Variants in FRMD6 observed in about 807,000 individuals in gnomAD.
FRMD6 encodes FERM domain-containing protein 6.
Under a neutral mutation model 73.2 loss-of-function variants are expected in FRMD6, and 37 were observed. That is an observed-to-expected ratio of 0.51 (90% CI 0.39 to 0.66). The LOEUF is 0.66. Ranked by LOEUF, FRMD6 falls within the 30% of genes least tolerant of loss-of-function variation. FRMD6 has a pLI of 0.00. For synonymous variants in FRMD6, 273 were observed against 282.2 expected, an observed-to-expected ratio of 0.97 and a Z score of 0.33; for missense variants, 714 against 780.5, an observed-to-expected ratio of 0.91 and a Z score of 1.02.
At chr14:51,693,142 CA>C (rs1462008910) in intron 2 of FRMD6, among the ~76,000 whole-genome samples, 1 of 152,170 alleles carries the variant, frequency 6.6e-6, no homozygotes, top group Non-Finnish European at 1.5e-5. Context: ...ATTCAAATCT[CA>C]TATCTGAATG....
chr14:51,449,028 G>A, the FRMD6 span, among the ~76,000 whole-genome samples: 1 of 152,162 alleles, frequency 6.6e-6, no homozygotes, highest in African/African-American at 2.4e-5. Flanking sequence ...AGAAAAACCT[G>A]ATGCTGCTTG....
chr14:51,413,408 C>T, the FRMD6 span, among the ~76,000 whole-genome samples: 3 of 152,084 alleles, frequency 2.0e-5, no homozygotes, highest in African/African-American at 7.2e-5. Context: ...GAACATGCAG[C>T]GTTTGGTTTT....
intron 2 of FRMD6, among the ~76,000 whole-genome samples, chr14:51,695,333 G>A (rs952500020): frequency 6.6e-6 from 1 of 152,120 alleles, no homozygotes; most frequent in Non-Finnish European, 1.5e-5. Context: ...GTAGAATTAC[G>A]ATGATAATGG....
At chr14:51,476,896 A>G in the FRMD6 span, among the ~76,000 whole-genome samples, 3 of 152,236 alleles carry the variant, frequency 2.0e-5, no homozygotes, top group East Asian at 1.9e-4. Context: ...TAAAACTTCT[A>G]CTGAAGAGAG....
the FRMD6 span, chr14:51,436,165 C>T: frequency 3.7e-6 from 1 of 271,326 alleles, no homozygotes. Flanking sequence ...GAGCAAGAAG[C>T]AATTGAACAC....
chr14:51,636,105 GC>G, intron 2 of FRMD6, among the ~76,000 whole-genome samples: 1 of 152,312 alleles, frequency 6.6e-6, no homozygotes, highest in South Asian at 2.1e-4. Flanking sequence ...AGCAGAAGTT[GC>G]GTCTGTGTCT....
chr14:51,702,695 T>C (rs1896399269), intron 5 of FRMD6, 107 bp downstream of exon 5: 1 of 898,370 alleles, frequency 1.1e-6, no homozygotes, highest in Middle Eastern at 2.3e-4. Context: ...ACCTTTAGGA[T>C]ATAAACTCTG....
At chr14:51,424,478 A>G in the FRMD6 span, among the ~76,000 whole-genome samples, 1,097 of 152,364 alleles carry the variant, frequency 7.2e-3, 12 homozygotes, top group Non-Finnish European at 0.011. Flanking sequence ...TACAGAGACT[A>G]CAGAAATTAA....
the FRMD6 span, among the ~76,000 whole-genome samples, chr14:51,468,276 C>T: frequency 1.3e-4 from 13 of 96,484 alleles, no homozygotes; most frequent in Admixed American, 5.0e-4. Context: ...CAGAGGGAGA[C>T]GGTGCAAAGG....
At chr14:51,690,408 CAG>C (rs1264082790) in intron 2 of FRMD6, among the ~76,000 whole-genome samples, 1 of 152,044 alleles carries the variant, frequency 6.6e-6, no homozygotes, top group Non-Finnish European at 1.5e-5. Context: ...CTTTTTGAGA[CAG>C]AGTCTCACTC....
At chr14:51,674,288 G>C (rs1250291186) in intron 1 of FRMD6, among the ~76,000 whole-genome samples, 1 of 152,126 alleles carries the variant, frequency 6.6e-6, no homozygotes, top group Non-Finnish European at 1.5e-5. Context: ...CACTCCTCTC[G>C]ATGAGTGCTT....
At chr14:51,422,337 T>C in the FRMD6 span, among the ~76,000 whole-genome samples, 1 of 152,304 alleles carries the variant, frequency 6.6e-6, no homozygotes, top group East Asian at 1.9e-4. Flanking sequence ...GAATGGCAAA[T>C]GGTATTTAGG....
intron 1 of FRMD6, among the ~76,000 whole-genome samples, chr14:51,675,089 A>G (rs1043858836): frequency 6.6e-5 from 10 of 152,180 alleles, no homozygotes; most frequent in Non-Finnish European, 1.0e-4. Flanking sequence ...CTAGATAGGT[A>G]AGTACCACTG....
chr14:51,507,918 G>A (rs2140241566), intron 1 of FRMD6, among the ~76,000 whole-genome samples: 1 of 152,258 alleles, frequency 6.6e-6, no homozygotes, highest in East Asian at 1.9e-4. Context: ...TTTTCTTGGT[G>A]CTGGAGAACA....
In FRMD6 at chr14:51,716,596, T is replaced by C. The variant is rs574960825; in HGVS notation, c.1024+1097T>C. ...ATAGATTTCTCTCAAAAATTCTCTG[T>C]CAATCCAAATGAGACCCGGTTTGGC... On this transcript the variant is annotated intron_variant, in intron 10 of 13. Transcript: ENST00000344768. Among the ~76,000 whole-genome samples the C allele has an allele frequency of 1.6e-4, 25 of 152,344 alleles. No individual in the cohort carries two copies. In the South Asian group the frequency reaches 4.6e-3, roughly 28 times the overall value.
chr14:51,672,458 T>A (rs1878084665), intron 1 of FRMD6, among the ~76,000 whole-genome samples: 1 of 152,144 alleles, frequency 6.6e-6, no homozygotes. Flanking sequence ...TCTTTTTGTT[T>A]CCTAATCTTA....
chr14:51,618,672 G>A (rs185829751), intron 2 of FRMD6, among the ~76,000 whole-genome samples: 56 of 152,238 alleles, frequency 3.7e-4, no homozygotes, highest in Non-Finnish European at 6.3e-4. Flanking sequence ...CAGTTTTCCA[G>A]CCTCAGGGGT....
chr14:51,409,206 T>G, the FRMD6 span, among the ~76,000 whole-genome samples: 1 of 152,084 alleles, frequency 6.6e-6, no homozygotes, highest in Non-Finnish European at 1.5e-5. Flanking sequence ...GATCTGTGCT[T>G]CTTCTTCCTC....
At chr14:51,604,251 T>C (rs968640235) in intron 2 of FRMD6, among the ~76,000 whole-genome samples, 1 of 152,190 alleles carries the variant, frequency 6.6e-6, no homozygotes, top group Non-Finnish European at 1.5e-5. Flanking sequence ...GAGCACCCAT[T>C]GCGTGAAAAG....
Sources: gnomAD v4.1 joint callset for allele counts (sites outside exome capture counted in the v4.1 genomes callset) on GRCh38, gnomAD v4.1.1 for gene constraint, MANE v1.5 for transcripts, NCBI Gene and HGNC (gene_info 2026-07-23, HGNC 2026-07-21) for gene names.